The following UBAP2 variants were observed in gnomAD, a reference collection of about 807,000 sequenced individuals.
The protein encoded by UBAP2 is ubiquitin-associated protein 2.
UBAP2 carries 75 observed loss-of-function variants against 139.6 expected under a neutral mutation model. The observed-to-expected ratio is 0.54, with a 90% CI of 0.45 to 0.65. The LOEUF is 0.65. UBAP2 is among the 30% of genes least tolerant of loss of function. The pLI is 0.00. For synonymous variants in UBAP2, 526 were observed against 526.2 expected (o/e 1.00, Z 0.01); for missense variants, 1,368 against 1,369.6 (o/e 1.00, Z 0.02).
intron 19 of UBAP2, among the ~76,000 whole-genome samples, chr9:33,930,088 AAAAG>A (rs1298262622): frequency 6.6e-6 from 1 of 152,230 alleles, no homozygotes; most frequent in Non-Finnish European, 1.5e-5. Flanking sequence ...ATATATAAAA[AAAAG>A]GATGTACAAC....
chr9:33,948,520 T>C lies in UBAP2; in HGVS notation c.1124A>G (p.Gln375Arg), dbSNP rs1564026067. The change falls in exon 13 of 29, where the codon CAG (glutamine) becomes CGG (arginine). Residue 375 changes from glutamine (Q) to arginine (R), a missense_variant. By Grantham distance (43) the Gln-to-Arg change is conservative. Transcript: ENST00000379238. ...CGGAGCTTTCAACTGGTCCAAAATC[T>C]GGGAGCTGGTGATGTTTGCCATTTT... Reference protein sequence around the residue: ...PPKMANITSSQILDQLKAPSL... With the variant: ...PPKMANITSSRILDQLKAPSL... The C allele has an allele frequency of 4.3e-6, 7 of 1,614,044 alleles. No individual in the cohort carries two copies. Among genetic ancestry groups the C allele is most frequent in the Non-Finnish European group, 5.9e-6 (7 of 1,180,032 alleles).
At chr9:34,025,124 G>A (rs1002671013) in intron 1 of UBAP2, among the ~76,000 whole-genome samples, 13 of 152,138 alleles carry the variant, frequency 8.5e-5, no homozygotes, top group African/African-American at 2.2e-4. Context: ...AAACTAGACC[G>A]TAAAAATCAA....
At chr9:33,981,354 G>A (rs1215896432) in intron 6 of UBAP2, among the ~76,000 whole-genome samples, 1 of 145,608 alleles carries the variant, frequency 6.9e-6, no homozygotes, top group South Asian at 2.1e-4. Context: ...GGAAAGATAC[G>A]ATAGTAAATA....
intron 2 of UBAP2, among the ~76,000 whole-genome samples, chr9:34,016,318 A>G (rs71521203): frequency 0.29 from 15,537 of 53,330 alleles, 1,473 homozygotes; most frequent in African/African-American, 0.39. Flanking sequence ...GGAGGAAGAG[A>G]AGGAGGAAGA....
chr9:34,018,576 A>G (rs2131285432), intron 1 of UBAP2, among the ~76,000 whole-genome samples: 1 of 152,208 alleles, frequency 6.6e-6, no homozygotes, highest in East Asian at 1.9e-4. Context: ...TAAGAGTGCC[A>G]TTATTGGCCG....
rs1346977100 is a variant in UBAP2, at chr9:33,922,881, A to G, written c.3073-3T>C. 1.9e-6 allele frequency: 3 copies of G among 1,603,762 alleles called. No individual in the cohort carries two copies. Among genetic ancestry groups the G allele is most frequent in the East Asian group, 2.2e-5 (1 of 44,714 alleles). ...TGAAATCCCTGCTTGTCAAAAGTCT[A>G]CAGGGCAAAGAAGACAATGGTGAAG... On this transcript the variant is annotated splice_region_variant and splice_polypyrimidine_tract_variant and intron_variant, in intron 27 of 28. Transcript: ENST00000379238.
chr9:33,987,484 A>G (rs1821321685), intron 5 of UBAP2, among the ~76,000 whole-genome samples: 1 of 152,046 alleles, frequency 6.6e-6, no homozygotes, highest in South Asian at 2.1e-4. Context: ...GCGTGCAGCT[A>G]GTAGTCCCAG....
intron 6 of UBAP2, among the ~76,000 whole-genome samples, chr9:33,975,555 T>C (rs1225623698): frequency 6.6e-6 from 1 of 151,562 alleles, no homozygotes; most frequent in East Asian, 1.9e-4. Flanking sequence ...TCCCAGCACT[T>C]TGGGAGGCCG....
intron 10 of UBAP2, among the ~76,000 whole-genome samples, chr9:33,959,922 A>G (rs777334467): frequency 2.0e-5 from 3 of 152,032 alleles, no homozygotes; most frequent in Non-Finnish European, 4.4e-5. Context: ...AATCAATCCT[A>G]CTTAACACCT....
intron 6 of UBAP2, among the ~76,000 whole-genome samples, chr9:33,980,346 C>T (rs1322263778): frequency 6.9e-6 from 1 of 145,236 alleles, no homozygotes; most frequent in African/African-American, 2.5e-5. Flanking sequence ...CATTCTCCTG[C>T]CTCAGCCTCC....
At chr9:33,949,705 ATG>A (rs1279704865) in intron 12 of UBAP2, among the ~76,000 whole-genome samples, 17 of 116,626 alleles carry the variant, frequency 1.5e-4, no homozygotes, top group African/African-American at 6.4e-4. Context: ...CTCGTCTCTC[ATG>A]TGTGTGTGCG....
chr9:34,022,537 G>C (rs1377133479), intron 1 of UBAP2, among the ~76,000 whole-genome samples: 2 of 147,754 alleles, frequency 1.4e-5, no homozygotes, highest in African/African-American at 2.5e-5. Flanking sequence ...CCAGGTTCAA[G>C]TGATTCTCCC....
At chr9:33,965,850 C>G (rs1052647115) in intron 8 of UBAP2, among the ~76,000 whole-genome samples, 2 of 151,192 alleles carry the variant, frequency 1.3e-5, no homozygotes, top group African/African-American at 4.9e-5. Context: ...AGATGGAGAC[C>G]ATCCTGGCTA....
intron 19 of UBAP2, among the ~76,000 whole-genome samples, chr9:33,929,884 A>G (rs917611178): frequency 5.3e-5 from 8 of 152,214 alleles, no homozygotes; most frequent in Admixed American, 3.9e-4. Context: ...TGTGCCTGTA[A>G]TCCCAGCTAC....
intron 16 of UBAP2, 76 bp downstream of exon 16, chr9:33,941,573 G>A: frequency 8.1e-7 from 1 of 1,238,418 alleles, no homozygotes; most frequent in East Asian, 2.3e-5. Flanking sequence ...TCATATCCAA[G>A]AAGCATAATT....
intron 2 of UBAP2, 149 bp from the exon 3 acceptor site, chr9:33,999,013 T>C (rs1286730904): frequency 3.5e-6 from 2 of 574,772 alleles, no homozygotes; most frequent in South Asian, 2.5e-5. Context: ...CTCAACCATA[T>C]ATAACCTGTT....
chr9:34,049,184 G>T (rs1827897154), upstream of UBAP2, among the ~76,000 whole-genome samples: 1 of 152,204 alleles, frequency 6.6e-6, no homozygotes, highest in African/African-American at 2.4e-5. Context: ...GCTCGTCGTC[G>T]CGCCGTGATG....
chr9:33,964,770 T>C (rs561031588), intron 8 of UBAP2, among the ~76,000 whole-genome samples: 3 of 152,246 alleles, frequency 2.0e-5, no homozygotes, highest in East Asian at 1.9e-4. Flanking sequence ...AAAAGCACTA[T>C]AATATCACAT....
rs1188513463 is a variant in UBAP2, at chr9:33,943,483, C to A, written c.1652G>T (p.Gly551Val). Residue 551 changes from glycine to valine, a missense_variant, in exon 15 of 29, where the codon GGA becomes GTA. Coordinates refer to ENST00000379238, the MANE Select transcript of UBAP2 (RefSeq NM_001370062.2). Reference sequence around the variant, plus strand: ...ACTATTTTCACTGCTTGGAGCTGATCCAAATTCAGAGAGAGAAGGTTCTGA... The same window carrying A: ...ACTATTTTCACTGCTTGGAGCTGATACAAATTCAGAGAGAGAAGGTTCTGA... ...FGSEPSLSEFGSAPSSENSNQ... is the reference protein window; with the variant it reads ...FGSEPSLSEFVSAPSSENSNQ... The A allele has an allele frequency of 5.6e-6, 9 of 1,614,164 alleles. No individual in the cohort carries two copies. Among genetic ancestry groups the A allele is most frequent in the Non-Finnish European group, 6.8e-6 (8 of 1,180,044 alleles).
Sources: gnomAD v4.1 joint callset for allele counts (sites outside exome capture counted in the v4.1 genomes callset) on GRCh38, gnomAD v4.1.1 for gene constraint, MANE v1.5 for transcripts, NCBI Gene and HGNC (gene_info 2026-07-23, HGNC 2026-07-21) for gene names.